The following PLXDC1 variants were observed in gnomAD, a reference collection of about 807,000 sequenced individuals.
PLXDC1 encodes the protein plexin domain-containing protein 1.
A neutral mutation model predicts 61.3 loss-of-function variants in PLXDC1; 39 were observed. The observed-to-expected ratio is 0.64, with a 90% CI of 0.49 to 0.83. The LOEUF (loss-of-function observed/expected upper bound fraction) is 0.83. PLXDC1 is among the 40% of genes least tolerant of loss of function. The pLI is 0.00. For missense variants in PLXDC1, 596 were observed against 666.5 expected, an observed-to-expected ratio of 0.89 and a Z score of 1.17; for synonymous variants, 212 against 254.5, an observed-to-expected ratio of 0.83 and a Z score of 1.59.
Position 39,063,459 on chromosome 17 carries a change from AG to A in PLXDC1, c.*4380del. ...GGAGGTGGTGCAGGAGGTTGAGGAA[AG>A]CACCTCTGATGAGCAGATAGCTGGA... On this transcript the variant is annotated 3_prime_UTR_variant, in exon 14 of 14. Coordinates refer to ENST00000315392, the MANE Select transcript of PLXDC1 (RefSeq NM_020405.5). 1 of 702,972 alleles carries A rather than the reference AG, an allele frequency of 1.4e-6. No homozygotes were observed. The highest frequency in any genetic ancestry group is 2.6e-6 in the Non-Finnish European group (1 of 384,996). 43.5% of individuals were successfully genotyped at this position (702,972 alleles called of 1,614,324 possible). A position where few individuals can be genotyped will look rare whatever the true frequency, so the allele number is the denominator to read the frequency against.
intron 2 of PLXDC1, among the ~76,000 whole-genome samples, chr17:39,119,071 G>A (rs1306927819): frequency 1.3e-5 from 2 of 152,160 alleles, no homozygotes; most frequent in East Asian, 1.9e-4. Context: ...ACTGGGGGAG[G>A]GGACCTGGTT....
intron 7 of PLXDC1, among the ~76,000 whole-genome samples, chr17:39,093,952 C>T (rs1482515229): frequency 1.3e-5 from 2 of 152,148 alleles, no homozygotes; most frequent in Non-Finnish European, 2.9e-5. Flanking sequence ...ATGTGCACAC[C>T]CCAGCCCTCC....
intron 5 of PLXDC1, 73 bp from the exon 6 acceptor site, chr17:39,107,598 G>A (rs775924179): frequency 4.2e-5 from 46 of 1,093,892 alleles, no homozygotes; most frequent in Non-Finnish European, 5.5e-5. Flanking sequence ...AATGCCAGTC[G>A]GAGGGCAGCG....
At chr17:39,087,395 G>A (rs142742196) in intron 8 of PLXDC1, among the ~76,000 whole-genome samples, 42 of 152,226 alleles carry the variant, frequency 2.8e-4, no homozygotes, top group African/African-American at 9.1e-4. Flanking sequence ...TCAGAGCTGC[G>A]GCCGATGTGC....
intron 7 of PLXDC1, among the ~76,000 whole-genome samples, chr17:39,097,256 C>G (rs1162070797): frequency 6.6e-6 from 1 of 152,190 alleles, no homozygotes; most frequent in Non-Finnish European, 1.5e-5. Flanking sequence ...AGGACAGTGA[C>G]GCCACCCATT....
intron 7 of PLXDC1, among the ~76,000 whole-genome samples, chr17:39,095,349 A>G (rs1268698849): frequency 6.9e-6 from 1 of 145,764 alleles, no homozygotes; most frequent in Non-Finnish European, 1.5e-5. Flanking sequence ...TTTTTTAATA[A>G]AAGAATCCTT....
intron 2 of PLXDC1, among the ~76,000 whole-genome samples, chr17:39,128,662 A>G (rs546875820): frequency 1.3e-5 from 2 of 152,320 alleles, no homozygotes; most frequent in East Asian, 3.9e-4. Flanking sequence ...AGTTAAACAC[A>G]GAGTTACCAT....
chr17:39,109,693 T>G (rs1452081568), intron 2 of PLXDC1, among the ~76,000 whole-genome samples: 1 of 152,116 alleles, frequency 6.6e-6, no homozygotes, highest in Non-Finnish European at 1.5e-5. Flanking sequence ...CGGCAGCCCC[T>G]GCATCCCTTC....
chr17:39,069,965 C>T lies in PLXDC1; in HGVS notation c.1274G>A (p.Gly425Asp), dbSNP rs1447150546. The T allele has an allele frequency of 6.2e-7, 1 of 1,613,568 alleles. No homozygotes were observed. The highest frequency in any genetic ancestry group is 8.5e-7 in the Non-Finnish European group (1 of 1,179,546). Reference protein sequence around the residue: ...PKTKGTPVHLGTIVGIVLAVL... With the variant: ...PKTKGTPVHLDTIVGIVLAVL... ...TGCCAGCACGATGCCCACGATGGTG[C>T]CCAGGTGCACAGGAGTGCCCTTTGT... The change falls in exon 13 of 14, where the codon GGC (glycine) becomes GAC (aspartate). Residue 425 changes from glycine to aspartate, a missense_variant. By Grantham distance (94) the Gly-to-Asp change is moderately conservative. Transcript: ENST00000315392.
At position 39,146,975 on chromosome 17, in the gene PLXDC1, A is replaced by G. The variant is rs2045346548; in HGVS notation, c.76+4387T>C. 6.2e-5 allele frequency among the ~76,000 whole-genome samples: 4 copies of G among 64,176 alleles called. No individual in the cohort carries two copies. In the South Asian group the frequency reaches 1.9e-3, roughly 31 times the overall value. The allele number at this position is 64,176 out of a possible 152,430, so 42.1% of individuals were successfully genotyped here. ...TTTTTTTTTTTTTTTTTTTTTTTTG[A>G]GACGGAGTCTCGCTCTGTCACCCAG... On this transcript the variant is annotated intron_variant, in intron 1 of 13. Transcript: ENST00000315392.
intron 2 of PLXDC1, among the ~76,000 whole-genome samples, chr17:39,129,869 G>A (rs964464054): frequency 2.6e-5 from 4 of 152,056 alleles, no homozygotes; most frequent in African/African-American, 9.7e-5. Context: ...CAGCCAAAAG[G>A]TAGAAACAGC....
At chr17:39,107,384 T>A (rs1239516101) in intron 6 of PLXDC1, 23 bp downstream of exon 6, 1 of 1,349,242 alleles carries the variant, frequency 7.4e-7, no homozygotes, top group East Asian at 2.3e-5. Flanking sequence ...GACCCAGCTG[T>A]CTCTGCAGCT....
At chr17:39,146,816 A>G (rs2045345326) in intron 1 of PLXDC1, among the ~76,000 whole-genome samples, 1 of 150,962 alleles carries the variant, frequency 6.6e-6, no homozygotes, top group Non-Finnish European at 1.5e-5. Context: ...TGATCACACC[A>G]CTGCACTCCA....
At chr17:39,130,630 T>C (rs1376109332) in intron 2 of PLXDC1, among the ~76,000 whole-genome samples, 1 of 152,064 alleles carries the variant, frequency 6.6e-6, no homozygotes, top group Non-Finnish European at 1.5e-5. Context: ...AGTGGCGTGA[T>C]CCCAGCTCAC....
At chr17:39,078,200 C>A (rs1208641882) in intron 10 of PLXDC1, 152 bp from the exon 11 acceptor site, 1 of 761,650 alleles carries the variant, frequency 1.3e-6, no homozygotes, top group Non-Finnish European at 2.0e-6. Flanking sequence ...ATAAATAGAG[C>A]AAATCTGAAC....
At chr17:39,116,615 T>A (rs1369893780) in intron 2 of PLXDC1, among the ~76,000 whole-genome samples, 1 of 152,144 alleles carries the variant, frequency 6.6e-6, no homozygotes, top group Non-Finnish European at 1.5e-5. Flanking sequence ...CAGGAAGGTG[T>A]CTCTGGATTC....
intron 2 of PLXDC1, among the ~76,000 whole-genome samples, chr17:39,132,649 C>A (rs558955197): frequency 1.3e-5 from 2 of 152,116 alleles, no homozygotes; most frequent in East Asian, 3.9e-4. Flanking sequence ...GATGGCCTGG[C>A]GGGGGGTGCC....
chr17:39,102,140 C>T (rs984833513), intron 7 of PLXDC1, among the ~76,000 whole-genome samples: 1 of 152,108 alleles, frequency 6.6e-6, no homozygotes, highest in Non-Finnish European at 1.5e-5. Flanking sequence ...TGGACTGGGG[C>T]GAGATGCTTG....
In PLXDC1 at chr17:39,146,414, T is replaced by G. The variant is rs530184249; in HGVS notation, c.76+4948A>C. ...GTTTAAGGCCAGGTGCAGTGGCTCATGCCTATAATCCCAACACTTTGGGAG... is the reference window on the plus strand; with the variant it reads ...GTTTAAGGCCAGGTGCAGTGGCTCAGGCCTATAATCCCAACACTTTGGGAG... On this transcript the variant is annotated intron_variant, in intron 1 of 13. Transcript: ENST00000315392. Among the ~76,000 whole-genome samples, 154 of 151,586 alleles carry G rather than the reference T, an allele frequency of 1.0e-3. No homozygotes were observed. In the Middle Eastern group the frequency reaches 0.01, roughly 10 times the overall value.
Sources: gnomAD v4.1 joint callset for allele counts (sites outside exome capture counted in the v4.1 genomes callset) on GRCh38, gnomAD v4.1.1 for gene constraint, MANE v1.5 for transcripts, NCBI Gene and HGNC (gene_info 2026-07-23, HGNC 2026-07-21) for gene names.